TUT7: variants seen among roughly 807,000 people sequenced by gnomAD.
TUT7 encodes terminal uridylyl transferase 7.
In TUT7, 33 loss-of-function variants were observed where a neutral mutation model predicts 165.9. The ratio of observed to expected loss-of-function variants is 0.20; its 90% CI spans 0.15 to 0.27. TUT7 has a LOEUF of 0.27. Among genes scored for constraint, TUT7 ranks in the 10% least tolerant of loss-of-function variants. The probability of loss-of-function intolerance (pLI) is 1.00; values close to 1 mark genes in which losing one functional copy is unlikely to be tolerated. For missense variants in TUT7, 1,338 were observed against 1,762.3 expected (o/e 0.76, Z 4.31); for synonymous variants, 552 against 608.1 (o/e 0.91, Z 1.36).
chr9:86,324,163 A>T (rs898196121), intron 12 of TUT7, among the ~76,000 whole-genome samples: 1 of 152,218 alleles, frequency 6.6e-6, no homozygotes, highest in Non-Finnish European at 1.5e-5. Flanking sequence ...TTTCTGAAAC[A>T]TCGGCTCTAT....
intron 2 of TUT7, among the ~76,000 whole-genome samples, chr9:86,350,999 T>A (rs1832242392): frequency 6.6e-6 from 1 of 151,848 alleles, no homozygotes; most frequent in African/African-American, 2.4e-5. Context: ...CTGGGCATGG[T>A]GGTGTGCACC....
At chr9:86,299,858 G>A (rs1826720517) in intron 26 of TUT7, among the ~76,000 whole-genome samples, 1 of 152,148 alleles carries the variant, frequency 6.6e-6, no homozygotes, top group Non-Finnish European at 1.5e-5. Flanking sequence ...CAGGCCTCGA[G>A]TAATTTTAGG....
chr9:86,339,380 TG>T (rs1831125799), intron 8 of TUT7, among the ~76,000 whole-genome samples: 1 of 152,112 alleles, frequency 6.6e-6, no homozygotes, highest in Admixed American at 6.6e-5. Flanking sequence ...TAGCCAGGCG[TG>T]GTGGTGGGCA....
rs1825690247 is a variant in TUT7 at position 86,288,585 on chromosome 9, A to G, written c.*92T>C. 1.1e-6 allele frequency: 1 copy of G among 914,484 alleles called. No homozygotes were observed. The highest frequency in any genetic ancestry group is 2.3e-5 in the Admixed American group (1 of 43,108). The allele number at this position is 914,484 out of a possible 1,614,324, so 56.6% of individuals were successfully genotyped here. A position where few individuals can be genotyped will look rare whatever the true frequency, so the allele number is the denominator to read the frequency against. On this transcript the variant is annotated 3_prime_UTR_variant, in exon 27 of 27. Transcript: ENST00000375963. ...CCCTTAAATGTTAAGTTGAAGCCTGATCTACACTGCTGTGTCCTGTGAAAT... is the reference window on the plus strand; with the variant it reads ...CCCTTAAATGTTAAGTTGAAGCCTGGTCTACACTGCTGTGTCCTGTGAAAT...
At chr9:86,290,718 G>GT (rs1174158061) in intron 26 of TUT7, among the ~76,000 whole-genome samples, 2 of 151,580 alleles carry the variant, frequency 1.3e-5, no homozygotes, top group African/African-American at 4.8e-5. Flanking sequence ...AATTAGCTGG[G>GT]TTATGGCAGT....
chr9:86,300,666 G>C (rs1826798106), intron 26 of TUT7, among the ~76,000 whole-genome samples: 1 of 152,216 alleles, frequency 6.6e-6, no homozygotes, highest in Non-Finnish European at 1.5e-5. Context: ...AAAGGGGCCA[G>C]ATTTGTGGAT....
At chr9:86,295,742 T>A (rs1024176581) in intron 26 of TUT7, among the ~76,000 whole-genome samples, 2 of 152,094 alleles carry the variant, frequency 1.3e-5, no homozygotes, top group African/African-American at 2.4e-5. Flanking sequence ...AAAGAATACA[T>A]CACCATGAGG....
chr9:86,326,206 G>T (rs1164591059), intron 11 of TUT7, among the ~76,000 whole-genome samples: 1 of 152,164 alleles, frequency 6.6e-6, no homozygotes, highest in African/African-American at 2.4e-5. Context: ...TTCTCAGACT[G>T]GTAGCACAGC....
In TUT7 at chr9:86,348,019, T is replaced by C. The variant is rs1201254441; in HGVS notation, c.521-1539A>G. On this transcript the variant is annotated intron_variant, in intron 2 of 26. Transcript: ENST00000375963. ...ACAGGTTTCTTAGGCAAAAACTCTA[T>C]AAATTTAAAATAATACTGCAATACC... is the stretch of plus-strand genomic sequence containing the variant. Among the ~76,000 whole-genome samples, 3 of 152,180 alleles carry C rather than the reference T, an allele frequency of 2.0e-5. No homozygotes were observed. In the East Asian group the frequency reaches 5.8e-4, roughly 29 times the overall value.
At chr9:86,319,999 A>G (rs1829094844) in intron 14 of TUT7, among the ~76,000 whole-genome samples, 2 of 152,070 alleles carry the variant, frequency 1.3e-5, no homozygotes, top group Admixed American at 1.3e-4. Flanking sequence ...TGCCTGGCTA[A>G]TTTTTGTAAC....
At chr9:86,303,616 A>C (rs571396051) in intron 24 of TUT7, among the ~76,000 whole-genome samples, 1 of 152,362 alleles carries the variant, frequency 6.6e-6, no homozygotes, top group Admixed American at 6.5e-5. Context: ...AAGAAAAGAA[A>C]AAAAACTATG....
chr9:86,326,633 C>T (rs1172654003), intron 11 of TUT7: 1 of 154,346 alleles, frequency 6.5e-6, no homozygotes, highest in Non-Finnish European at 1.5e-5. Context: ...CACAATGTCA[C>T]CACTGTAAGA....
At chr9:86,352,570 CTG>C (rs768563574) in intron 2 of TUT7, 108 bp downstream of exon 2, 539 of 1,282,842 alleles carry the variant, frequency 4.2e-4, no homozygotes, top group South Asian at 1.1e-3. Context: ...AAAACAGAAA[CTG>C]TGAAAAACTG....
chr9:86,325,401 A>G lies in TUT7; in HGVS notation c.1722T>C (p.Ser574=), dbSNP rs771489134. 1 of 1,614,046 alleles carries G rather than the reference A, an allele frequency of 6.2e-7. No homozygotes were observed. The highest frequency in any genetic ancestry group is 8.5e-7 in the Non-Finnish European group (1 of 1,180,028). Residue 574 remains serine (S), a synonymous_variant, in exon 12 of 27, where the codon AGT becomes AGC. Coordinates refer to ENST00000375963, the MANE Select transcript of TUT7 (RefSeq NM_024617.4). The stretch of plus-strand genomic sequence containing the variant: ...GAGATACCAATTCTTTGACACGAAT[A>G]CTTATCACTAAATCAGCCAAATTAA... ...LEFNLADLVI[S]IRVKELVSRE...
At position 86,319,456 on chromosome 9, in the gene TUT7, G is replaced by C. The variant is rs185614439; in HGVS notation, c.3115+128C>G. 1.1e-4 allele frequency: 76 copies of C among 667,618 alleles called. No individual in the cohort carries two copies. In the East Asian group the frequency reaches 2.1e-3, roughly 18 times the overall value. 41.4% of individuals were successfully genotyped at this position (667,618 alleles called of 1,614,324 possible). ...GTAAATGAGGATTTGGCAGACCAAG[G>C]ACCATCCTGGGTATATTGCAAAACA... is the stretch of plus-strand genomic sequence containing the variant. On this transcript the variant is annotated intron_variant, in intron 15 of 26. Coordinates refer to ENST00000375963, the MANE Select transcript of TUT7 (RefSeq NM_024617.4).
chr9:86,313,667 ATTTCACCCGTT>A (rs1223078544), intron 17 of TUT7, among the ~76,000 whole-genome samples: 3 of 152,160 alleles, frequency 2.0e-5, no homozygotes, highest in Non-Finnish European at 4.4e-5. Flanking sequence ...GCTAATTATC[ATTTCACCCGTT>A]TTATTGATTC....
chr9:86,343,424 T>C (rs1831481819), intron 5 of TUT7, among the ~76,000 whole-genome samples: 1 of 152,202 alleles, frequency 6.6e-6, no homozygotes, highest in African/African-American at 2.4e-5. Flanking sequence ...AATTGCTACG[T>C]TATCATGTAT....
intron 2 of TUT7, among the ~76,000 whole-genome samples, chr9:86,348,755 A>G (rs1832004074): frequency 6.6e-6 from 1 of 151,998 alleles, no homozygotes; most frequent in African/African-American, 2.4e-5. Context: ...CTGTCTAAAA[A>G]ACAAACAAAC....
Position 86,317,348 on chromosome 9 carries a change from T to C in TUT7, c.3217-72A>G, listed in dbSNP as rs143883755. The C allele has an allele frequency of 3.5e-3, 4,201 of 1,212,590 alleles. 14 individuals are homozygous for C. The highest frequency in any genetic ancestry group is 4.3e-3 in the Non-Finnish European group (3,597 of 829,688). The allele number at this position is 1,212,590 out of a possible 1,614,324, so 75.1% of individuals were successfully genotyped here. ...GTTCTGAAACTGGCTATAGTTTCCA[T>C]TACCTTCAGAAATAATGTAATTAAT... On this transcript the variant is annotated intron_variant, in intron 16 of 26. Transcript: ENST00000375963.
Sources: gnomAD v4.1 joint callset for allele counts (sites outside exome capture counted in the v4.1 genomes callset) on GRCh38, gnomAD v4.1.1 for gene constraint, MANE v1.5 for transcripts, NCBI Gene and HGNC (gene_info 2026-07-23, HGNC 2026-07-21) for gene names.